CNOT6: variants seen among roughly 807,000 people sequenced by gnomAD.
CNOT6 encodes the protein CCR4-NOT transcription complex subunit 6, also known as carbon catabolite repression 4 protein.
In CNOT6, 12 loss-of-function variants were observed where a neutral mutation model predicts 61.2. The observed-to-expected ratio is 0.20, with a 90% CI of 0.13 to 0.32. CNOT6 has a LOEUF of 0.32. Among genes scored for constraint, CNOT6 ranks in the 10% least tolerant of loss-of-function variants. The pLI is 1.00. For synonymous variants in CNOT6, 225 were observed against 240.6 expected, an observed-to-expected ratio of 0.94 and a Z score of 0.60; for missense variants, 405 against 663.9, an observed-to-expected ratio of 0.61 and a Z score of 4.28.
chr5:180,497,907 G>A (rs1258859783), intron 1 of CNOT6, among the ~76,000 whole-genome samples: 1 of 152,088 alleles, frequency 6.6e-6, no homozygotes, highest in East Asian at 1.9e-4. Flanking sequence ...GCCAGGCGCA[G>A]TGGCACATGC....
At chr5:180,526,685 A>G (rs1226116269) in intron 1 of CNOT6, among the ~76,000 whole-genome samples, 2 of 152,152 alleles carry the variant, frequency 1.3e-5, no homozygotes, top group Admixed American at 6.5e-5. Flanking sequence ...TTCTCCAGCT[A>G]TGTTTAGCTG....
chr5:180,551,264 G>A (rs1759587609), intron 3 of CNOT6, among the ~76,000 whole-genome samples: 8 of 152,130 alleles, frequency 5.3e-5, no homozygotes, highest in Admixed American at 5.2e-4. Context: ...GGCTGAGGTG[G>A]AGGGATGGCT....
chr5:180,520,840 ATT>A (rs1427199562), intron 1 of CNOT6, among the ~76,000 whole-genome samples: 2 of 148,910 alleles, frequency 1.3e-5, no homozygotes, highest in Non-Finnish European at 3.0e-5. Context: ...TTTTTATTTT[ATT>A]TTATTATTTT....
chr5:180,528,981 C>T (rs1202402329), intron 1 of CNOT6, among the ~76,000 whole-genome samples: 5 of 151,984 alleles, frequency 3.3e-5, no homozygotes, highest in Admixed American at 1.3e-4. Flanking sequence ...GAGGCCAAGG[C>T]GGGCGGATCA....
chr5:180,525,498 C>T (rs1199716113), intron 1 of CNOT6, among the ~76,000 whole-genome samples: 1 of 150,022 alleles, frequency 6.7e-6, no homozygotes, highest in Admixed American at 6.6e-5. Context: ...GAGATGGCAC[C>T]ATCGCACTCC....
rs1193733758 is a variant in CNOT6, at chr5:180,574,863, A to G, written c.*663A>G. On this transcript the variant is annotated 3_prime_UTR_variant, in exon 12 of 12. Transcript: ENST00000261951. ...GCCCTTTTGTACTACTTTCTTTTTA[A>G]ATTGAGAACATGGTTCTTTACATAT... 6.5e-6 allele frequency: 1 copy of G among 152,746 alleles called. No individual in the cohort carries two copies. The highest frequency in any genetic ancestry group is 2.4e-5 in the African/African-American group (1 of 41,414). The allele number at this position is 152,746 out of a possible 1,614,324, so 9.5% of individuals were successfully genotyped here. A position where few individuals can be genotyped will look rare whatever the true frequency, so the allele number is the denominator to read the frequency against.
chr5:180,531,444 GCTC>G (rs1215594564), intron 2 of CNOT6, among the ~76,000 whole-genome samples: 2 of 151,140 alleles, frequency 1.3e-5, no homozygotes, highest in Non-Finnish European at 2.9e-5. Flanking sequence ...GGGCAGAGAC[GCTC>G]CTCATTTCCT....
At chr5:180,567,631 GT>G (rs1760530454) in intron 8 of CNOT6, among the ~76,000 whole-genome samples, 1 of 152,172 alleles carries the variant, frequency 6.6e-6, no homozygotes, top group Non-Finnish European at 1.5e-5. Context: ...TTCTTCAGTT[GT>G]AAAAATATTT....
At chr5:180,495,120 A>T (rs1321373022) in intron 1 of CNOT6, among the ~76,000 whole-genome samples, 1 of 152,206 alleles carries the variant, frequency 6.6e-6, no homozygotes, top group African/African-American at 2.4e-5. Context: ...ATGGGTGGCA[A>T]CTTTTGAGAA....
intron 1 of CNOT6, among the ~76,000 whole-genome samples, chr5:180,509,063 A>G (rs1757264970): frequency 6.6e-6 from 1 of 152,076 alleles, no homozygotes; most frequent in Non-Finnish European, 1.5e-5. Flanking sequence ...CTCGTGATCC[A>G]CCTGCATTGG....
At chr5:180,532,966 C>T (rs571589065) in intron 2 of CNOT6, among the ~76,000 whole-genome samples, 9 of 152,324 alleles carry the variant, frequency 5.9e-5, no homozygotes, top group South Asian at 4.1e-4. Flanking sequence ...GGAGGAACCT[C>T]GTGCATTCAG....
At chr5:180,549,399 C>T (rs928896313) in intron 2 of CNOT6, among the ~76,000 whole-genome samples, 15 of 152,020 alleles carry the variant, frequency 9.9e-5, no homozygotes, top group African/African-American at 3.1e-4. Context: ...CCTGTAACCC[C>T]AGCACTTTTG....
intron 1 of CNOT6, among the ~76,000 whole-genome samples, chr5:180,507,447 A>G (rs1057398229): frequency 6.6e-6 from 1 of 151,900 alleles, no homozygotes; most frequent in East Asian, 1.9e-4. Flanking sequence ...TAAAAATACA[A>G]AAAAATTAGC....
Position 180,510,559 on chromosome 5 carries a change from C to T in CNOT6, c.-3+15796C>T, listed in dbSNP as rs560441957. Among the ~76,000 whole-genome samples, 6 of 151,912 alleles carry T rather than the reference C, an allele frequency of 3.9e-5. No homozygotes were observed. In the South Asian group the frequency reaches 1.2e-3, roughly 32 times the overall value. On this transcript the variant is annotated intron_variant, in intron 1 of 11. Coordinates refer to ENST00000261951, the MANE Select transcript of CNOT6 (RefSeq NM_001370472.1). ...ATCATACACTTGGCAAAACAGCAGG[C>T]GAATATATTAAAGAATGTGGTAGGC...
intron 1 of CNOT6, among the ~76,000 whole-genome samples, chr5:180,502,107 A>C (rs867913849): frequency 7.9e-5 from 12 of 152,330 alleles, no homozygotes; most frequent in African/African-American, 2.4e-4. Context: ...GAAGGTAGGC[A>C]CCTGTGTTAG....
At chr5:180,539,714 C>T (rs61670207) in intron 2 of CNOT6, among the ~76,000 whole-genome samples, 2,180 of 150,590 alleles carry the variant, frequency 0.014, 47 homozygotes, top group African/African-American at 0.051. Context: ...CTCAGCCTCC[C>T]GAGTAGCTGG....
rs749446928 is a variant in CNOT6, at chr5:180,569,159, C to T, written c.1077C>T (p.Asn359=). 1.3e-5 allele frequency: 21 copies of T among 1,613,954 alleles called. 1 individual carries two copies. The highest frequency in any genetic ancestry group is 8.3e-5 in the Admixed American group (5 of 60,002). The part of the protein sequence containing the change: ...GTEKQLILVA[N]AHMHWDPEYS... ...AAAAACAACTTATTCTTGTGGCTAACGCCCACATGCATTGGGACCCTGAAT... is the reference window on the plus strand; with the variant it reads ...AAAAACAACTTATTCTTGTGGCTAATGCCCACATGCATTGGGACCCTGAAT... Residue 359 remains asparagine, a synonymous_variant, in exon 10 of 12, where the codon AAC becomes AAT. Transcript: ENST00000261951.
chr5:180,529,087 T>TA (rs2127720194), intron 1 of CNOT6, among the ~76,000 whole-genome samples, 188 bp from the exon 2 acceptor site: 2 of 151,810 alleles, frequency 1.3e-5, no homozygotes, highest in African/African-American at 4.8e-5. Context: ...TGCACGCCTA[T>TA]AGTCCCAGCT....
chr5:180,517,035 G>GT (rs1757666332), intron 1 of CNOT6, among the ~76,000 whole-genome samples: 1 of 152,170 alleles, frequency 6.6e-6, no homozygotes, highest in African/African-American at 2.4e-5. Flanking sequence ...TCCATTAAAC[G>GT]TTTTCTACCT....
Sources: allele counts gnomAD v4.1 joint callset (sites outside exome capture counted in the v4.1 genomes callset), GRCh38; gene constraint gnomAD v4.1.1; transcripts MANE v1.5; gene names NCBI Gene and HGNC (gene_info 2026-07-23, HGNC 2026-07-21).